The following NBEA variants were observed in gnomAD, a reference collection of about 807,000 sequenced individuals.
The protein encoded by NBEA is lysosomal-trafficking regulator 2.
Under a neutral mutation model 343.4 loss-of-function variants are expected in NBEA, and 44 were observed. The ratio of observed to expected loss-of-function variants is 0.13; its 90% confidence interval spans 0.10 to 0.16. The LOEUF is 0.16. Ranked by LOEUF, NBEA falls within the 10% of genes least tolerant of loss-of-function variation. NBEA has a pLI of 1.00. For synonymous variants in NBEA, 1,175 were observed against 1,238.7 expected, an observed-to-expected ratio of 0.95 and a Z score of 1.08; for missense variants, 2,555 against 3,631.3, an observed-to-expected ratio of 0.70 and a Z score of 7.62.
chr13:35,652,011 G>A (rs1184701369), intron 53 of NBEA, 135 bp downstream of exon 53: 5 of 636,788 alleles, frequency 7.9e-6, no homozygotes, highest in Non-Finnish European at 1.1e-5. Context: ...TTATCATCAA[G>A]GAGCTGTGTA....
At position 35,487,930 on chromosome 13, in the gene NBEA, A is replaced by G. The variant is rs1420418076; in HGVS notation, c.6585+15394A>G. Among the ~76,000 whole-genome samples the G allele has an allele frequency of 1.3e-5, 2 of 151,862 alleles. 1 individual carries two copies. The highest frequency in any genetic ancestry group is 2.9e-5 in the Non-Finnish European group (2 of 67,882). On this transcript the variant is annotated intron_variant, in intron 41 of 58. Transcript: ENST00000379939. ...TATTACTCCTAGAATGGATTGGTAC[A>G]TGTAAAGTGGAGAATAATAGCGAAA...
chr13:35,667,503 G>T lies in NBEA; in HGVS notation c.8594G>T (p.Gly2865Val). The T allele has an allele frequency of 1.2e-6, 2 of 1,613,892 alleles. No homozygotes were observed. The highest frequency in any genetic ancestry group is 1.7e-6 in the Non-Finnish European group (2 of 1,179,862). ...EGHCIIYYERGRFSNFSINGK... is the reference protein window; with the variant it reads ...EGHCIIYYERVRFSNFSINGK... ...CACTGTATCATATACTATGAACGAG[G>T]GCGATTCAGTAATTTCAGCATTAAT... Residue 2865 changes from glycine to valine, a missense_variant, in exon 57 of 59, where the codon GGG (glycine) becomes GTG (valine). This residue lies in a region of NBEA where 186 missense variants were observed against 328.9 expected (regional missense o/e 0.57). Coordinates refer to ENST00000379939, the MANE Select transcript of NBEA (RefSeq NM_001385012.1).
chr13:35,090,487 G>A (rs1160272268), intron 10 of NBEA, among the ~76,000 whole-genome samples: 2 of 151,934 alleles, frequency 1.3e-5, no homozygotes, highest in Non-Finnish European at 2.9e-5. Context: ...AAATTAATGG[G>A]TTGCAATGGT....
intron 28 of NBEA, among the ~76,000 whole-genome samples, 189 bp from the exon 29 acceptor site, chr13:35,182,171 T>C (rs1034724700): frequency 6.6e-6 from 1 of 151,226 alleles, no homozygotes; most frequent in African/African-American, 2.4e-5. Flanking sequence ...GTAGATGATA[T>C]ATTTTAGGAG....
chr13:35,557,355 T>A (rs890282011), intron 44 of NBEA, among the ~76,000 whole-genome samples: 3 of 152,104 alleles, frequency 2.0e-5, no homozygotes, highest in African/African-American at 7.2e-5. Flanking sequence ...TCTGTCCAAC[T>A]CTGGAAAGGT....
intron 38 of NBEA, among the ~76,000 whole-genome samples, chr13:35,422,148 T>G: frequency 6.6e-6 from 1 of 151,250 alleles, no homozygotes; most frequent in South Asian, 2.1e-4. Context: ...CTTTTTTTTT[T>G]AATTTTATTA....
chr13:35,400,196 TA>T (rs71081251), intron 38 of NBEA, among the ~76,000 whole-genome samples: 984 of 78,162 alleles, frequency 0.013, 7 homozygotes, highest in African/African-American at 0.02. Flanking sequence ...CTTCAATTTG[TA>T]AAAAAAAAAA....
intron 28 of NBEA, among the ~76,000 whole-genome samples, chr13:35,178,979 C>T (rs997613305): frequency 6.6e-5 from 10 of 151,310 alleles, no homozygotes; most frequent in South Asian, 4.2e-4. Context: ...TATAACATAC[C>T]GGAGGAGTTT....
At chr13:35,231,652 T>C (rs904973300) in intron 33 of NBEA, among the ~76,000 whole-genome samples, 13 of 152,094 alleles carry the variant, frequency 8.5e-5, no homozygotes, top group African/African-American at 3.1e-4. Context: ...CTGTGCACTT[T>C]ATATCCCTTA....
chr13:35,270,992 A>G (rs1004708555), intron 34 of NBEA, among the ~76,000 whole-genome samples: 2 of 152,254 alleles, frequency 1.3e-5, no homozygotes, highest in Non-Finnish European at 2.9e-5. Context: ...CGAAGAGAGC[A>G]GTGGTTCCCC....
chr13:35,058,684 T>C (rs1180990429), intron 7 of NBEA, 33 bp from the exon 8 acceptor site: 3 of 1,526,332 alleles, frequency 2.0e-6, no homozygotes, highest in African/African-American at 2.8e-5. Context: ...TCATTAAAAA[T>C]AATGCATTTT....
chr13:35,662,177 T>C lies in NBEA; in HGVS notation c.8363-2908T>C, dbSNP rs538959308. On this transcript the variant is annotated intron_variant, in intron 55 of 58. Coordinates refer to ENST00000379939, the MANE Select transcript of NBEA (RefSeq NM_001385012.1). The stretch of plus-strand genomic sequence containing the variant: ...GAAATGACCTTTGATAAAAGGAGGA[T>C]GGAATTTGTTTATTTTAAGCCTTTT... Among the ~76,000 whole-genome samples the C allele has an allele frequency of 5.9e-5, 9 of 152,368 alleles. No homozygotes were observed. In the South Asian group the frequency reaches 1.9e-3, roughly 32 times the overall value.
At chr13:35,124,727 CAT>C (rs750333728) in intron 17 of NBEA, among the ~76,000 whole-genome samples, 64 of 150,512 alleles carry the variant, frequency 4.3e-4, no homozygotes, top group Middle Eastern at 3.5e-3. Context: ...TATATATACA[CAT>C]ATGTATGGAT....
chr13:35,629,345 C>T (rs759899046), intron 49 of NBEA, among the ~76,000 whole-genome samples: 9 of 151,982 alleles, frequency 5.9e-5, no homozygotes, highest in Non-Finnish European at 1.0e-4. Context: ...TGGAGATGGG[C>T]GCAATGAAGC....
intron 18 of NBEA, among the ~76,000 whole-genome samples, chr13:35,143,817 G>A (rs981439624): frequency 1.3e-5 from 2 of 151,700 alleles, no homozygotes; most frequent in Non-Finnish European, 2.9e-5. Flanking sequence ...GATCCCAGGA[G>A]GTCAAGGCTG....
chr13:35,357,948 T>C (rs2040585858), intron 38 of NBEA, among the ~76,000 whole-genome samples: 1 of 152,186 alleles, frequency 6.6e-6, no homozygotes, highest in Non-Finnish European at 1.5e-5. Context: ...AAAAATATTT[T>C]CTGTCTGCTT....
At chr13:35,443,240 T>G (rs2045835410) in intron 39 of NBEA, among the ~76,000 whole-genome samples, 1 of 152,076 alleles carries the variant, frequency 6.6e-6, no homozygotes, top group Non-Finnish European at 1.5e-5. Flanking sequence ...AACAAAAGTC[T>G]GTACAAGTTC....
chr13:35,435,542 G>A (rs975078017), intron 39 of NBEA, among the ~76,000 whole-genome samples: 5 of 152,020 alleles, frequency 3.3e-5, no homozygotes, highest in Non-Finnish European at 5.9e-5. Context: ...GATATGTGCA[G>A]GAGTGGGGTG....
At chr13:35,027,141 A>G (rs1593509319) in intron 1 of NBEA, among the ~76,000 whole-genome samples, 1 of 152,012 alleles carries the variant, frequency 6.6e-6, no homozygotes, top group South Asian at 2.1e-4. Flanking sequence ...TCATTTAGCC[A>G]TGTACTTTTT....
Sources: gnomAD v4.1 joint callset for allele counts (sites outside exome capture counted in the v4.1 genomes callset) on GRCh38, gnomAD v4.1.1 for gene constraint, gnomAD v4.1.1 regional missense constraint, MANE v1.5 for transcripts, NCBI Gene and HGNC (gene_info 2026-07-23, HGNC 2026-07-21) for gene names.